Variants in OCA2 observed in about 807,000 individuals in gnomAD.
OCA2 encodes OCA2 melanosomal transmembrane protein.
Under a neutral mutation model 100.2 loss-of-function variants are expected in OCA2, and 77 were observed. That is an observed-to-expected ratio of 0.77 (90% CI 0.64 to 0.93). The LOEUF (loss-of-function observed/expected upper bound fraction) is 0.93. Among genes scored for constraint, OCA2 ranks in the 40% least tolerant of loss-of-function variants. The pLI is 0.00. For missense variants in OCA2, 1,062 were observed against 1,089.1 expected (o/e 0.98, Z 0.35); for synonymous variants, 432 against 439.2 (o/e 0.98, Z 0.21).
intron 2 of OCA2, among the ~76,000 whole-genome samples, chr15:28,039,361 T>C (rs2141446445): frequency 6.6e-6 from 1 of 152,310 alleles, no homozygotes; most frequent in South Asian, 2.1e-4. Flanking sequence ...TTATCTAATG[T>C]GCACATGAAA....
chr15:28,054,839 T>C (rs1283642330), intron 2 of OCA2, among the ~76,000 whole-genome samples: 2 of 152,174 alleles, frequency 1.3e-5, no homozygotes, highest in African/African-American at 4.8e-5. Context: ...TCAGAAAATT[T>C]ACAATCATGG....
At chr15:27,734,033 G>A in the OCA2 span, among the ~76,000 whole-genome samples, 1 of 151,242 alleles carries the variant, frequency 6.6e-6, no homozygotes, top group Non-Finnish European at 1.5e-5. Flanking sequence ...AGTGGTGCAC[G>A]ACTGTAATCC....
intron 9 of OCA2, among the ~76,000 whole-genome samples, chr15:28,005,174 A>G (rs2042055073): frequency 6.6e-6 from 1 of 152,044 alleles, no homozygotes; most frequent in Non-Finnish European, 1.5e-5. Context: ...GCCAGTCCTC[A>G]GCACCCCCAC....
At chr15:27,899,969 C>T (rs948680051) in intron 19 of OCA2, among the ~76,000 whole-genome samples, 5 of 152,018 alleles carry the variant, frequency 3.3e-5, no homozygotes, top group Admixed American at 6.5e-5. Flanking sequence ...AGTGGATTTG[C>T]GGGTCCTAAT....
chr15:28,089,978 G>C (rs1364639009), intron 1 of OCA2, among the ~76,000 whole-genome samples: 2 of 152,146 alleles, frequency 1.3e-5, no homozygotes, highest in African/African-American at 4.8e-5. Context: ...AACAATATAG[G>C]TAGGGTGCAA....
intron 19 of OCA2, among the ~76,000 whole-genome samples, chr15:27,924,771 T>C (rs190762627): frequency 2.0e-4 from 31 of 152,108 alleles, no homozygotes. Context: ...AAAAAAGATA[T>C]GAGATATAGT....
At chr15:27,777,384 TCTG>T (rs1177202575) in intron 23 of OCA2, among the ~76,000 whole-genome samples, 2 of 152,214 alleles carry the variant, frequency 1.3e-5, no homozygotes, top group Non-Finnish European at 2.9e-5. Context: ...TGGTTTTTTC[TCTG>T]CTTCTACATT....
intron 23 of OCA2, among the ~76,000 whole-genome samples, chr15:27,844,270 C>T (rs2035452208): frequency 6.6e-6 from 1 of 152,178 alleles, no homozygotes; most frequent in Non-Finnish European, 1.5e-5. Context: ...GACGCCACTG[C>T]CAGGCTGCCC....
intron 1 of OCA2, among the ~76,000 whole-genome samples, chr15:28,086,146 C>T (rs888316937): frequency 2.6e-5 from 4 of 152,242 alleles, no homozygotes; most frequent in East Asian, 1.9e-4. Flanking sequence ...GTGGGGACCA[C>T]CATGTGAGGA....
At chr15:27,764,696 C>A (rs918471026) in intron 23 of OCA2, among the ~76,000 whole-genome samples, 3 of 152,152 alleles carry the variant, frequency 2.0e-5, no homozygotes, top group Non-Finnish European at 4.4e-5. Flanking sequence ...TATGCATTCA[C>A]CCTTACTGAA....
At chr15:27,870,925 C>A (rs554713559) in intron 21 of OCA2, among the ~76,000 whole-genome samples, 9 of 152,126 alleles carry the variant, frequency 5.9e-5, no homozygotes, top group Non-Finnish European at 1.3e-4. Flanking sequence ...CACCAGTCAC[C>A]CCAGGACGTG....
chr15:27,781,409 ACC>A (rs2032533199), intron 23 of OCA2, among the ~76,000 whole-genome samples: 1 of 152,096 alleles, frequency 6.6e-6, no homozygotes, highest in Non-Finnish European at 1.5e-5. Context: ...TTCAAAGCAA[ACC>A]ATCCCAGCAC....
intron 23 of OCA2, among the ~76,000 whole-genome samples, chr15:27,778,201 C>A (rs867702784): frequency 6.6e-6 from 1 of 152,138 alleles, no homozygotes; most frequent in Non-Finnish European, 1.5e-5. Context: ...AGTATCAAAC[C>A]TTTTGCTGAC....
intron 23 of OCA2, among the ~76,000 whole-genome samples, chr15:27,770,142 C>A (rs951128016): frequency 1.3e-5 from 2 of 152,226 alleles, no homozygotes; most frequent in African/African-American, 4.8e-5. Context: ...GGTTCCATAA[C>A]AAAGTCTCGG....
At chr15:27,780,999 T>G (rs146558255) in intron 23 of OCA2, among the ~76,000 whole-genome samples, 1 of 152,218 alleles carries the variant, frequency 6.6e-6, no homozygotes, top group Non-Finnish European at 1.5e-5. Flanking sequence ...AAGCTGAGTG[T>G]CTCTTCTCAT....
At chr15:27,917,027 C>T (rs1251527770) in intron 19 of OCA2, among the ~76,000 whole-genome samples, 1 of 152,080 alleles carries the variant, frequency 6.6e-6, no homozygotes, top group African/African-American at 2.4e-5. Flanking sequence ...GCAGGCCACT[C>T]TGAAGGGAAT....
At chr15:27,758,746 G>A (rs1221714546) in intron 23 of OCA2, among the ~76,000 whole-genome samples, 2 of 151,976 alleles carry the variant, frequency 1.3e-5, no homozygotes, top group South Asian at 2.1e-4. Flanking sequence ...GGAAAGAATC[G>A]GTGAACTTGA....
intron 19 of OCA2, among the ~76,000 whole-genome samples, chr15:27,897,291 GC>G (rs2037743932): frequency 6.6e-6 from 1 of 152,088 alleles, no homozygotes; most frequent in Non-Finnish European, 1.5e-5. Flanking sequence ...GTGCCTCCCT[GC>G]CCTGTGTAGC....
the OCA2 span, among the ~76,000 whole-genome samples, chr15:27,722,790 C>CTT: frequency 6.9e-6 from 1 of 144,192 alleles, no homozygotes; most frequent in African/African-American, 2.7e-5. Flanking sequence ...TTCTCTCTCT[C>CTT]TCTCTCTCTC....
Sources: allele counts gnomAD v4.1 joint callset (sites outside exome capture counted in the v4.1 genomes callset), GRCh38; gene constraint gnomAD v4.1.1; transcripts MANE v1.5; gene names NCBI Gene and HGNC (gene_info 2026-07-23, HGNC 2026-07-21).